The following RBFOX1 variants were observed in gnomAD, a reference collection of about 807,000 sequenced individuals.
RBFOX1 encodes the protein RNA binding protein fox-1 homolog 1.
A neutral mutation model predicts 57.7 loss-of-function variants in RBFOX1; 8 were observed. That is an observed-to-expected ratio of 0.14 (90% CI 0.08 to 0.25). The LOEUF is 0.25. Ranked by LOEUF, RBFOX1 falls within the 10% of genes least tolerant of loss-of-function variation. RBFOX1 has a pLI of 1.00. For missense variants in RBFOX1, 611 were observed against 548.5 expected (o/e 1.11, Z -1.14); for synonymous variants, 326 against 222.4 (o/e 1.47, Z -4.15).
intron 3 of RBFOX1, among the ~76,000 whole-genome samples, chr16:5,691,097 G>C (rs1299722479): frequency 1.3e-5 from 2 of 152,200 alleles, no homozygotes; most frequent in Non-Finnish European, 2.9e-5. Context: ...TGAAGAGGCT[G>C]TCCAATAGGT....
chr16:5,943,627 T>C (rs184997696), intron 4 of RBFOX1, among the ~76,000 whole-genome samples: 1 of 152,290 alleles, frequency 6.6e-6, no homozygotes, highest in African/African-American at 2.4e-5. Flanking sequence ...TCTCTGCATC[T>C]TGATTGATTT....
chr16:7,251,704 G>A (rs1328789651), intron 4 of RBFOX1, among the ~76,000 whole-genome samples: 1 of 152,134 alleles, frequency 6.6e-6, no homozygotes, highest in Non-Finnish European at 1.5e-5. Context: ...ACAGGCATGA[G>A]CCACAGTGCC....
At chr16:5,921,578 A>T (rs2058822557) in intron 4 of RBFOX1, among the ~76,000 whole-genome samples, 1 of 152,308 alleles carries the variant, frequency 6.6e-6, no homozygotes, top group Admixed American at 6.5e-5. Flanking sequence ...TATTTCTGGA[A>T]AGGTAATGAA....
chr16:6,809,989 C>T (rs181641986), intron 3 of RBFOX1, among the ~76,000 whole-genome samples: 49 of 151,006 alleles, frequency 3.2e-4, no homozygotes, highest in African/African-American at 1.1e-3. Flanking sequence ...AGCTTGTTCT[C>T]CTGGGTGTCT....
intron 3 of RBFOX1, among the ~76,000 whole-genome samples, chr16:5,863,417 A>T (rs2057273740): frequency 6.6e-6 from 1 of 152,134 alleles, no homozygotes; most frequent in South Asian, 2.1e-4. Flanking sequence ...TGATGGCTTG[A>T]TAAAAGCCCA....
At chr16:7,321,126 T>TATACATATACATATACAC (rs1339584883) in intron 4 of RBFOX1, among the ~76,000 whole-genome samples, 1 of 129,828 alleles carries the variant, frequency 7.7e-6, no homozygotes, top group Admixed American at 7.4e-5. Context: ...TACATATACA[T>TATACATATACATATACAC]ATACTTATAC....
At chr16:6,166,237 C>T (rs966748780) in intron 1 of RBFOX1, among the ~76,000 whole-genome samples, 12 of 152,154 alleles carry the variant, frequency 7.9e-5, no homozygotes, top group Non-Finnish European at 1.8e-4. Flanking sequence ...CACAGGCCTT[C>T]CCTGCCTGCT....
At chr16:7,236,727 G>A (rs940613296) in intron 4 of RBFOX1, among the ~76,000 whole-genome samples, 6 of 151,892 alleles carry the variant, frequency 4.0e-5, no homozygotes, top group African/African-American at 1.2e-4. Flanking sequence ...CTGCAAGCAC[G>A]CACCAGCCTT....
At chr16:7,154,074 G>A (rs1010612310) in intron 4 of RBFOX1, among the ~76,000 whole-genome samples, 1 of 152,110 alleles carries the variant, frequency 6.6e-6, no homozygotes, top group East Asian at 1.9e-4. Context: ...TAAATAATGG[G>A]CTAGAACTTA....
chr16:6,551,623 T>G (rs1204837282), intron 2 of RBFOX1, among the ~76,000 whole-genome samples: 1 of 152,170 alleles, frequency 6.6e-6, no homozygotes, highest in African/African-American at 2.4e-5. Context: ...TAAGAACACT[T>G]AAAATAAGGA....
At chr16:7,025,794 C>T (rs1429685195) in intron 3 of RBFOX1, among the ~76,000 whole-genome samples, 1 of 152,092 alleles carries the variant, frequency 6.6e-6, no homozygotes, top group Non-Finnish European at 1.5e-5. Context: ...CAGCAGATGG[C>T]GCTGCAGGGA....
At chr16:7,545,183 T>C (rs1216199721) in intron 5 of RBFOX1, among the ~76,000 whole-genome samples, 1 of 152,204 alleles carries the variant, frequency 6.6e-6, no homozygotes, top group Admixed American at 6.5e-5. Context: ...TTACGTGGAC[T>C]GGGAGAACAC....
intron 4 of RBFOX1, among the ~76,000 whole-genome samples, chr16:6,011,444 T>A (rs1002790958): frequency 3.3e-5 from 5 of 152,284 alleles, no homozygotes; most frequent in Middle Eastern, 6.8e-3. Context: ...CTGTTAAAGA[T>A]TTAAAAACGA....
At chr16:6,181,671 G>C (rs34166656) in intron 1 of RBFOX1, among the ~76,000 whole-genome samples, 1 of 152,154 alleles carries the variant, frequency 6.6e-6, no homozygotes, top group Non-Finnish European at 1.5e-5. Context: ...GAAGTCTTAC[G>C]TGAAGCCATT....
intron 4 of RBFOX1, among the ~76,000 whole-genome samples, chr16:7,341,776 C>CTCCTTCCTTCCTTCCTTCCTTCCTTCCT (rs767808435): frequency 2.0e-4 from 19 of 95,196 alleles, no homozygotes; most frequent in African/African-American, 5.2e-4. Flanking sequence ...CCCTCCCTCC[C>CTCCTTCCTTCCTTCCTTCCTTCCTTCCT]TCCTTCCTTC....
chr16:5,399,248 C>G (rs1596854814), intron 1 of RBFOX1, among the ~76,000 whole-genome samples: 1 of 152,134 alleles, frequency 6.6e-6, no homozygotes, highest in African/African-American at 2.4e-5. Flanking sequence ...GCCGTTATTG[C>G]CATTATTAAC....
intron 4 of RBFOX1, chr16:7,431,155 G>C (rs1208425691): frequency 6.6e-6 from 1 of 152,104 alleles, no homozygotes; most frequent in East Asian, 1.9e-4. Flanking sequence ...AGTGTTTTGC[G>C]TGATTATCTC....
intron 1 of RBFOX1, among the ~76,000 whole-genome samples, chr16:5,276,935 C>T (rs556391971): frequency 6.6e-6 from 1 of 152,302 alleles, no homozygotes; most frequent in African/African-American, 2.4e-5. Context: ...AGCAATCCCA[C>T]TACTAAGTAT....
At chr16:5,298,218 A>T (rs1188532699) in intron 1 of RBFOX1, among the ~76,000 whole-genome samples, 1 of 152,232 alleles carries the variant, frequency 6.6e-6, no homozygotes, top group Non-Finnish European at 1.5e-5. Flanking sequence ...TCTAATTATT[A>T]CATGTTAGAT....
Sources: gnomAD v4.1 joint callset for allele counts (sites outside exome capture counted in the v4.1 genomes callset) on GRCh38, gnomAD v4.1.1 for gene constraint, MANE v1.5 for transcripts, NCBI Gene and HGNC (gene_info 2026-07-23, HGNC 2026-07-21) for gene names.